The following RBM33 variants were observed in gnomAD, a reference collection of about 807,000 sequenced individuals.
The protein encoded by RBM33 is RNA binding motif protein 33.
Under a neutral mutation model 132.6 loss-of-function variants are expected in RBM33, and 28 were observed. That is an observed-to-expected ratio of 0.21 (90% CI 0.16 to 0.29). The LOEUF is 0.29. RBM33 is among the 10% of genes least tolerant of loss of function. RBM33 has a pLI of 1.00. For synonymous variants in RBM33, 634 were observed against 593.0 expected, an observed-to-expected ratio of 1.07 and a Z score of -1.01; for missense variants, 1,291 against 1,518.5, an observed-to-expected ratio of 0.85 and a Z score of 2.49.
intron 14 of RBM33, among the ~76,000 whole-genome samples, chr7:155,759,974 G>T (rs561067083): frequency 6.6e-6 from 1 of 152,310 alleles, no homozygotes; most frequent in East Asian, 1.9e-4. Context: ...TGGGCTGAAA[G>T]TTGGCCTTTT....
rs779464871 is a variant in RBM33, at chr7:155,644,897, G to A, written c.21G>A (p.Ala7=). 2 of 1,499,610 alleles carry A rather than the reference G, an allele frequency of 1.3e-6. No individual in the cohort carries two copies. The highest frequency in any genetic ancestry group is 2.5e-5 in the South Asian group (2 of 80,548). 92.9% of individuals were successfully genotyped at this position (1,499,610 alleles called of 1,614,324 possible). Reference sequence around the variant, plus strand: ...GTGCCATGGCGGCCGCCCTGGGAGCGAGCGGAGGAGCAGGCGCCGGAGGTA... The same window carrying A: ...GTGCCATGGCGGCCGCCCTGGGAGCAAGCGGAGGAGCAGGCGCCGGAGGTA... MAAALG[A]SGGAGAGDDD... The change falls in exon 1 of 18, where the codon GCG becomes GCA. Residue 7 remains alanine, a synonymous_variant. Transcript: ENST00000401878.
At position 155,745,017 on chromosome 7, in the gene RBM33, A is replaced by G. The variant is rs764883193; in HGVS notation, c.2394A>G (p.Lys798=). 1.2e-6 allele frequency: 2 copies of G among 1,605,674 alleles called. No homozygotes were observed. Among genetic ancestry groups the G allele is most frequent in the South Asian group, 2.2e-5 (2 of 89,586 alleles). The change falls in exon 14 of 18, where the codon AAA becomes AAG. Residue 798 remains lysine (K), a synonymous_variant. Coordinates refer to ENST00000401878, the MANE Select transcript of RBM33 (RefSeq NM_053043.3). The surrounding 1 kb of genome is among the most constrained non-coding windows in gnomAD (Gnocchi z 4.1). ...RLYRLKIEEQ[K]RLREEILKQK... ...ATCGCTTAAAGATAGAAGAACAGAA[A>G]CGCCTAAGAGAAGAAATCCTGAAAC...
chr7:155,713,675 A>G (rs565005188), intron 8 of RBM33, among the ~76,000 whole-genome samples: 91 of 152,316 alleles, frequency 6.0e-4, no homozygotes, highest in African/African-American at 2.0e-3. Context: ...ACTTGAGGCC[A>G]CTGTATTGAC....
Position 155,717,768 on chromosome 7 carries a change from T to G in RBM33, c.1202-617T>G, listed in dbSNP as rs569390547. On this transcript the variant is annotated intron_variant, in intron 8 of 17. Transcript: ENST00000401878. ...ATCTAGCTTCTTCTCTATTATGAGA[T>G]ACCTTTTTAAAAATGATTTGATTCC... Among the ~76,000 whole-genome samples, 16 of 152,350 alleles carry G rather than the reference T, an allele frequency of 1.1e-4. 1 individual carries two copies. In the South Asian group the frequency reaches 3.3e-3, roughly 32 times the overall value.
At chr7:155,676,093 G>T (rs182950268) in intron 3 of RBM33, among the ~76,000 whole-genome samples, 84 of 152,212 alleles carry the variant, frequency 5.5e-4, no homozygotes, top group Middle Eastern at 3.4e-3. Flanking sequence ...TCCCACTGGG[G>T]TCCCCACGAA....
At chr7:155,735,852 C>T (rs760408473) in intron 9 of RBM33, among the ~76,000 whole-genome samples, 3 of 152,032 alleles carry the variant, frequency 2.0e-5, no homozygotes, top group Non-Finnish European at 2.9e-5. Flanking sequence ...CAAATATATT[C>T]CTCAGTTACT....
At chr7:155,659,631 G>A (rs1322799383) in intron 1 of RBM33, among the ~76,000 whole-genome samples, 1 of 152,080 alleles carries the variant, frequency 6.6e-6, no homozygotes, top group Non-Finnish European at 1.5e-5. Context: ...ACACATAGGA[G>A]ACCCACGAGA....
At chr7:155,762,820 T>C (rs1802079828) in intron 14 of RBM33, among the ~76,000 whole-genome samples, 1 of 152,200 alleles carries the variant, frequency 6.6e-6, no homozygotes, top group Admixed American at 6.5e-5. Flanking sequence ...ACTCCCTCCC[T>C]GTCGATGTTG....
intron 9 of RBM33, among the ~76,000 whole-genome samples, chr7:155,731,609 C>T (rs915938993): frequency 6.6e-6 from 1 of 152,112 alleles, no homozygotes; most frequent in African/African-American, 2.4e-5. Flanking sequence ...TTTCATTCCC[C>T]GGGCTGGACG....
chr7:155,728,480 G>C (rs965780642), intron 9 of RBM33, among the ~76,000 whole-genome samples: 2 of 152,058 alleles, frequency 1.3e-5, no homozygotes, highest in African/African-American at 4.8e-5. Flanking sequence ...TAAATTCCAA[G>C]GTCAGAAATT....
intron 9 of RBM33, among the ~76,000 whole-genome samples, chr7:155,724,887 A>G (rs924899728): frequency 6.6e-6 from 1 of 152,146 alleles, no homozygotes; most frequent in Non-Finnish European, 1.5e-5. Flanking sequence ...ATTCCAGTAT[A>G]TGGATATAGC....
intron 16 of RBM33, among the ~76,000 whole-genome samples, chr7:155,769,434 C>T (rs1337580690): frequency 1.3e-5 from 2 of 152,186 alleles, no homozygotes; most frequent in African/African-American, 4.8e-5. Context: ...GGGGGGCTGC[C>T]GTCCCCCAGA....
chr7:155,682,916 C>T (rs952767418), intron 5 of RBM33, among the ~76,000 whole-genome samples: 1 of 151,858 alleles, frequency 6.6e-6, no homozygotes, highest in Non-Finnish European at 1.5e-5. Flanking sequence ...GTCTAAGATT[C>T]AGGTGTTGAA....
intron 2 of RBM33, among the ~76,000 whole-genome samples, chr7:155,669,649 G>A (rs1444665532): frequency 6.6e-6 from 1 of 152,180 alleles, no homozygotes; most frequent in South Asian, 2.1e-4. Context: ...ATCATGCCTG[G>A]CCCAAAAAGT....
At chr7:155,723,470 A>G (rs1049770274) in intron 9 of RBM33, among the ~76,000 whole-genome samples, 2 of 152,262 alleles carry the variant, frequency 1.3e-5, no homozygotes, top group African/African-American at 4.8e-5. Flanking sequence ...TGCACGTGAC[A>G]TAATACCCAA....
At chr7:155,677,973 C>A (rs1426361910) in intron 3 of RBM33, among the ~76,000 whole-genome samples, 3 of 152,118 alleles carry the variant, frequency 2.0e-5, no homozygotes, top group African/African-American at 7.2e-5. Context: ...AACACCCCCC[C>A]AACCTAATCT....
chr7:155,704,187 A>T (rs987811529), intron 6 of RBM33, among the ~76,000 whole-genome samples: 1 of 152,196 alleles, frequency 6.6e-6, no homozygotes, highest in East Asian at 1.9e-4. Flanking sequence ...TTTTATGCAC[A>T]GTTGTTGATT....
At chr7:155,649,907 C>T (rs992125013) in intron 1 of RBM33, among the ~76,000 whole-genome samples, 2 of 152,194 alleles carry the variant, frequency 1.3e-5, no homozygotes, top group Non-Finnish European at 2.9e-5. Flanking sequence ...ATGCGTAGCT[C>T]AAAGATCAGC....
chr7:155,766,423 G>A (rs756956185), intron 15 of RBM33, 44 bp from the exon 16 acceptor site: 47 of 1,597,302 alleles, frequency 2.9e-5, no homozygotes, highest in Non-Finnish European at 3.8e-5. Flanking sequence ...TATCGAAGAA[G>A]CTCAGGCTTG....
Sources: gnomAD v4.1 joint callset for allele counts (sites outside exome capture counted in the v4.1 genomes callset) on GRCh38, gnomAD v4.1.1 for gene constraint, Gnocchi (gnomAD v3.1) non-coding constraint, MANE v1.5 for transcripts, NCBI Gene and HGNC (gene_info 2026-07-23, HGNC 2026-07-21) for gene names.